Variants in COL20A1 observed in about 807,000 individuals in gnomAD.
The protein encoded by COL20A1 is collagen alpha-1(XX) chain.
COL20A1 carries 164 observed loss-of-function variants against 152.9 expected under a neutral mutation model. The ratio of observed to expected loss-of-function variants is 1.07; its 90% CI spans 0.94 to 1.22. COL20A1 has a LOEUF of 1.22. COL20A1 is among the 50% of genes most tolerant of loss of function. The probability of loss-of-function intolerance (pLI) is 0.00; values close to 1 mark genes in which losing one functional copy is unlikely to be tolerated. For missense variants in COL20A1, 1,873 were observed against 1,744.8 expected, an observed-to-expected ratio of 1.07 and a Z score of -1.31; for synonymous variants, 864 against 756.0, an observed-to-expected ratio of 1.14 and a Z score of -2.34.
rs140086967 is a variant in COL20A1 at position 63,305,216 on chromosome 20, G to A, written c.194-201G>A. On this transcript the variant is annotated intron_variant, in intron 3 of 35. Coordinates refer to ENST00000358894, the MANE Select transcript of COL20A1 (RefSeq NM_020882.4). This position sits in a 1 kb window ranked among gnomAD's most constrained non-coding sequence, Gnocchi z 4.9. ...TAGTAAGTGACATCTTCTTTTCACC[G>A]CCCCAAGACCCCCATTCTCTGTCAC... Among the ~76,000 whole-genome samples the A allele has an allele frequency of 2.0e-5, 3 of 151,866 alleles. No homozygotes were observed. The highest frequency in any genetic ancestry group is 4.4e-5 in the Non-Finnish European group (3 of 67,974).
At position 63,326,115 on chromosome 20, in the gene COL20A1, G is replaced by A. The variant is rs766208108; in HGVS notation, c.3422G>A (p.Gly1141Glu). The change falls in exon 30 of 36, where the codon GGA becomes GAA. Residue 1141 changes from glycine (G) to glutamate (E), a missense_variant. By Grantham distance (98) the Gly-to-Glu change is moderately conservative. Transcript: ENST00000358894. ...QGPKGMRGLE[G>E]TAGLPGPPGP... The stretch of plus-strand genomic sequence containing the variant: ...CATCAGGGAATGAGAGGCCTGGAGG[G>A]AACTGCTGGCCTGCCTGGACCCCCT... 1.4e-5 allele frequency: 23 copies of A among 1,612,644 alleles called. No homozygotes were observed. Among genetic ancestry groups the A allele is most frequent in the Non-Finnish European group, 1.9e-5 (22 of 1,179,666 alleles).
At chr20:63,309,717 G>T in intron 9 of COL20A1, 41 bp from the exon 10 acceptor site, 1 of 1,505,532 alleles carries the variant, frequency 6.6e-7, no homozygotes. Context: ...ACAGCTGCCC[G>T]TGCAGTGACC....
intron 31 of COL20A1, 146 bp downstream of exon 31, chr20:63,326,969 G>T (rs1038240258): frequency 2.4e-5 from 13 of 548,878 alleles, no homozygotes; most frequent in Admixed American, 4.3e-5. Flanking sequence ...ACAGCCCACA[G>T]ACTTCCTGTT....
chr20:63,321,722 C>T (rs2068165892), intron 26 of COL20A1, among the ~76,000 whole-genome samples: 1 of 152,180 alleles, frequency 6.6e-6, no homozygotes, highest in African/African-American at 2.4e-5. Flanking sequence ...CTCTGCTCAC[C>T]CCAAGGTTCC....
rs557003887 is a variant in COL20A1 at position 63,297,918 on chromosome 20, C to T, written c.91C>T (p.Leu31Phe). 2.1e-5 allele frequency: 34 copies of T among 1,613,246 alleles called. No homozygotes were observed. Among genetic ancestry groups the T allele is most frequent in the Non-Finnish European group, 2.8e-5 (33 of 1,179,708 alleles). The change falls in exon 3 of 36, where the codon CTC becomes TTC. Residue 31 changes from leucine (L) to phenylalanine (F), a missense_variant. Leu to Phe is a conservative substitution (Grantham distance 22, BLOSUM62 0). Coordinates refer to ENST00000358894, the MANE Select transcript of COL20A1 (RefSeq NM_020882.4). ...ATGTCCTGTTTCTGTAGCAAGCGGT[C>T]TCCTGAGGCTGGCTGTGCTGCCTGA... Reference protein sequence around the residue: ...LGREQVQASGLLRLAVLPEDR... With the variant: ...LGREQVQASGFLRLAVLPEDR...
rs920592073 is a variant in COL20A1 at position 63,311,515 on chromosome 20, C to T, written c.1515C>T (p.Pro505=). Residue 505 remains proline, a synonymous_variant, in exon 12 of 36, where the codon CCC becomes CCT. Coordinates refer to ENST00000358894, the MANE Select transcript of COL20A1 (RefSeq NM_020882.4). The surrounding 1 kb of genome is among the most constrained non-coding windows in gnomAD (Gnocchi z 4.4). ...HYLVRCSPAS[P]KGEEEEREVQ... ...TGGTGCGATGTTCTCCTGCTTCCCC[C>T]AAGGGTGAAGAGGAGGAGCGAGAGG... The T allele has an allele frequency of 1.1e-5, 18 of 1,590,606 alleles. No homozygotes were observed. The highest frequency in any genetic ancestry group is 5.4e-5 in the African/African-American group (4 of 74,722).
intron 31 of COL20A1, 164 bp from the exon 32 acceptor site, chr20:63,327,788 G>A: frequency 1.5e-6 from 1 of 686,482 alleles, no homozygotes; most frequent in Non-Finnish European, 2.5e-6. Flanking sequence ...TGCAGGCGAG[G>A]ACCACAGGCT....
At chr20:63,320,223 G>A in intron 24 of COL20A1, 26 bp downstream of exon 24, 2 of 1,600,860 alleles carry the variant, frequency 1.2e-6, no homozygotes, top group Non-Finnish European at 1.7e-6. Flanking sequence ...CCCACCTGCT[G>A]GGCCACGCTG....
In COL20A1 at chr20:63,325,506, G is replaced by T. The variant is rs2123432282; in HGVS notation, c.3348+12G>T. ...TTCCAGGCTTGCAGGTAGTGTGGCT[G>T]GGGCCAGGGGGCCACAGGGGTTGGT... On this transcript the variant is annotated intron_variant, in intron 28 of 35. Coordinates refer to ENST00000358894, the MANE Select transcript of COL20A1 (RefSeq NM_020882.4). 3 of 1,609,770 alleles carry T rather than the reference G, an allele frequency of 1.9e-6. No individual in the cohort carries two copies. The highest frequency in any genetic ancestry group is 2.5e-6 in the Non-Finnish European group (3 of 1,177,620).
chr20:63,329,495 G>C, intron 34 of COL20A1, 90 bp from the exon 35 acceptor site: 13 of 987,112 alleles, frequency 1.3e-5, no homozygotes, highest in Non-Finnish European at 1.9e-5. Flanking sequence ...CTGTGCCCAG[G>C]GAGGGGCCCT....
At chr20:63,328,544 G>C in intron 34 of COL20A1, 46 bp downstream of exon 34, 2 of 1,553,084 alleles carry the variant, frequency 1.3e-6, no homozygotes, top group Non-Finnish European at 1.7e-6. Flanking sequence ...GCCGGTGGGG[G>C]CGCCGGTTGT....
At chr20:63,302,960 C>T (rs1192085832) in intron 3 of COL20A1, among the ~76,000 whole-genome samples, 1 of 152,180 alleles carries the variant, frequency 6.6e-6, no homozygotes, top group Non-Finnish European at 1.5e-5. Flanking sequence ...CTGTGTAACT[C>T]CTGCGTTACC....
In COL20A1 at chr20:63,307,547, A is replaced by G. The variant is rs759710143; in HGVS notation, c.554A>G (p.Asp185Gly). Residue 185 changes from aspartate (D) to glycine (G), a missense_variant, in exon 6 of 36, where the codon GAC (aspartate) becomes GGC (glycine). Transcript: ENST00000358894. ...PVPADMVFLVDGSWSIGHSHF... is the reference protein window; with the variant it reads ...PVPADMVFLVGGSWSIGHSHF... ...CCTGCTGACATGGTCTTCCTGGTGGACGGGTCCTGGAGCATTGGCCACAGT... is the reference window on the plus strand; with the variant it reads ...CCTGCTGACATGGTCTTCCTGGTGGGCGGGTCCTGGAGCATTGGCCACAGT... 1.2e-6 allele frequency: 2 copies of G among 1,612,446 alleles called. No homozygotes were observed. The highest frequency in any genetic ancestry group is 1.7e-5 in the Admixed American group (1 of 60,004).
In COL20A1 at chr20:63,328,333, C is replaced by T. The variant is rs1289436443; in HGVS notation, c.3616C>T (p.His1206Tyr). ...GCTGACACCCCTCCTCCCCACAGCA[C>T]ACGTGTCAAAGTTCGACTCCTTCCA... is the stretch of plus-strand genomic sequence containing the variant. Reference protein sequence around the residue: ...TLYQLVSQASHVSKFDSFHEN... With the variant: ...TLYQLVSQASYVSKFDSFHEN... Residue 1206 changes from histidine to tyrosine, a missense_variant and splice_region_variant, in exon 34 of 36, where the codon CAC becomes TAC. Coordinates refer to ENST00000358894, the MANE Select transcript of COL20A1 (RefSeq NM_020882.4). The T allele has an allele frequency of 6.2e-7, 1 of 1,610,970 alleles. No individual in the cohort carries two copies. The highest frequency in any genetic ancestry group is 2.2e-5 in the East Asian group (1 of 44,786).
At position 63,312,797 on chromosome 20, in the gene COL20A1, G is replaced by A; in HGVS notation, c.1939G>A (p.Ala647Thr). ...TLTGRVTTKK[A>T]PSPSQLSMTE... The stretch of plus-strand genomic sequence containing the variant: ...TGTGTCTCCACTTCCTTCAGAGAAA[G>A]CTCCCAGCCCAAGCCAGCTGTCCAT... Residue 647 changes from alanine (A) to threonine (T), a missense_variant, in exon 16 of 36, where the codon GCT becomes ACT. Coordinates refer to ENST00000358894, the MANE Select transcript of COL20A1 (RefSeq NM_020882.4). The A allele has an allele frequency of 6.5e-7, 1 of 1,547,306 alleles. No individual in the cohort carries two copies. The highest frequency in any genetic ancestry group is 1.9e-5 in the Admixed American group (1 of 52,954).
Position 63,334,718 on chromosome 20 carries a change from C to G in COL20A1, c.*4002C>G, listed in dbSNP as rs931215526. The G allele has an allele frequency of 6.6e-6, 1 of 152,218 alleles. No individual in the cohort carries two copies. The allele number at this position is 152,218 out of a possible 1,614,324, so 9.4% of individuals were successfully genotyped here. On this transcript the variant is annotated 3_prime_UTR_variant, in exon 36 of 36. Coordinates refer to ENST00000358894, the MANE Select transcript of COL20A1 (RefSeq NM_020882.4). ...GGATTACAGGTGTGAGTCACCTCACCGGCCCTTAAACACAGTTTTTAGGGA... is the reference window on the plus strand; with the variant it reads ...GGATTACAGGTGTGAGTCACCTCACGGGCCCTTAAACACAGTTTTTAGGGA...
At chr20:63,329,751 C>A in intron 35 of COL20A1, 90 bp downstream of exon 35, 1 of 921,944 alleles carries the variant, frequency 1.1e-6, no homozygotes, top group Non-Finnish European at 1.6e-6. Flanking sequence ...GGGCCTCATG[C>A]TGTCCAGGGT....
intron 21 of COL20A1, among the ~76,000 whole-genome samples, chr20:63,317,927 C>T (rs977949836): frequency 5.3e-5 from 8 of 151,516 alleles, no homozygotes; most frequent in African/African-American, 1.7e-4. Context: ...GGTGTTCTTA[C>T]GGGTGGGTGA....
chr20:63,308,832 G>A lies in COL20A1; in HGVS notation c.940+126G>A, dbSNP rs34942010. The A allele has an allele frequency of 1.5e-4, 128 of 882,708 alleles. No homozygotes were observed. In the African/African-American group the frequency reaches 2.0e-3, roughly 14 times the overall value. 54.7% of individuals were successfully genotyped at this position (882,708 alleles called of 1,614,324 possible). A position where few individuals can be genotyped will look rare whatever the true frequency, so the allele number is the denominator to read the frequency against. ...GCTTCCACATCTGCGGCACGGAGCT[G>A]CACGCAGAGCCAGGCACCGCCTGGC... On this transcript the variant is annotated intron_variant, in intron 8 of 35. Transcript: ENST00000358894.
Sources: allele counts gnomAD v4.1 joint callset (sites outside exome capture counted in the v4.1 genomes callset), GRCh38; gene constraint gnomAD v4.1.1; non-coding constraint Gnocchi (gnomAD v3.1); transcripts MANE v1.5; gene names NCBI Gene and HGNC (gene_info 2026-07-23, HGNC 2026-07-21).